Variants in GALNTL6 observed in about 807,000 individuals in gnomAD.
GALNTL6 encodes polypeptide N-acetylgalactosaminyltransferase-like 6.
Under a neutral mutation model 73.7 loss-of-function variants are expected in GALNTL6, and 46 were observed. The ratio of observed to expected loss-of-function variants is 0.62; its 90% CI spans 0.49 to 0.80. The LOEUF is 0.80. Among genes scored for constraint, GALNTL6 ranks in the 30% least tolerant of loss-of-function variants. The probability of loss-of-function intolerance (pLI) is 0.00; values close to 1 mark genes in which losing one functional copy is unlikely to be tolerated. For synonymous variants in GALNTL6, 259 were observed against 263.7 expected (o/e 0.98, Z 0.17); for missense variants, 604 against 755.0 (o/e 0.80, Z 2.34).
intron 2 of GALNTL6, among the ~76,000 whole-genome samples, chr4:171,974,894 G>A (rs1739674831): frequency 6.6e-6 from 1 of 152,156 alleles, no homozygotes; most frequent in African/African-American, 2.4e-5. Context: ...CTTTTTCAAT[G>A]ATGCTTTCTT....
intron 2 of GALNTL6, among the ~76,000 whole-genome samples, chr4:171,943,343 C>G (rs1738605552): frequency 6.6e-6 from 1 of 152,102 alleles, no homozygotes; most frequent in Non-Finnish European, 1.5e-5. Context: ...GATTCCTATA[C>G]CAGAAATAGA....
intron 5 of GALNTL6, among the ~76,000 whole-genome samples, chr4:172,557,656 C>T (rs548449083): frequency 1.6e-4 from 24 of 152,190 alleles, no homozygotes; most frequent in African/African-American, 4.8e-4. Context: ...TACCATTAGT[C>T]GTCATGAAAT....
At chr4:172,724,686 G>C (rs554782225) in intron 5 of GALNTL6, among the ~76,000 whole-genome samples, 1 of 152,136 alleles carries the variant, frequency 6.6e-6, no homozygotes, top group African/African-American at 2.4e-5. Context: ...ATTAAGAAGG[G>C]AAGTTATTGA....
chr4:171,982,349 G>A (rs557348821), intron 2 of GALNTL6, among the ~76,000 whole-genome samples: 1 of 152,166 alleles, frequency 6.6e-6, no homozygotes, highest in Middle Eastern at 3.2e-3. Context: ...CCAGGCTGGA[G>A]TGCAGTGGCG....
intron 2 of GALNTL6, among the ~76,000 whole-genome samples, chr4:172,196,199 G>A (rs559571422): frequency 1.3e-5 from 2 of 152,186 alleles, no homozygotes; most frequent in East Asian, 3.9e-4. Context: ...AAATCTGGAA[G>A]AAATGGTTAA....
At chr4:172,686,266 T>C (rs1374922562) in intron 5 of GALNTL6, among the ~76,000 whole-genome samples, 3 of 152,070 alleles carry the variant, frequency 2.0e-5, no homozygotes, top group Non-Finnish European at 4.4e-5. Context: ...CATCTCTCCT[T>C]GCTCTATTGT....
intron 5 of GALNTL6, among the ~76,000 whole-genome samples, chr4:172,445,685 T>A (rs1731993766): frequency 6.6e-6 from 1 of 152,198 alleles, no homozygotes; most frequent in Non-Finnish European, 1.5e-5. Context: ...TCTTCACCTA[T>A]GTAAAATGAT....
intron 5 of GALNTL6, among the ~76,000 whole-genome samples, chr4:172,702,425 A>G (rs1212207630): frequency 6.6e-6 from 1 of 151,900 alleles, no homozygotes; most frequent in East Asian, 1.9e-4. Context: ...TTAATGCTTA[A>G]ACTTTCTTTG....
At chr4:172,309,281 T>A (rs1164001660) in intron 3 of GALNTL6, among the ~76,000 whole-genome samples, 1 of 152,110 alleles carries the variant, frequency 6.6e-6, no homozygotes, top group Non-Finnish European at 1.5e-5. Flanking sequence ...AAGATACTTT[T>A]TTTTTGAGGA....
Position 172,809,023 on chromosome 4 carries a change from A to G in GALNTL6, c.554-338A>G, listed in dbSNP as rs1181336844. Among the ~76,000 whole-genome samples the G allele has an allele frequency of 6.6e-6, 1 of 152,230 alleles. No individual in the cohort carries two copies. The highest frequency in any genetic ancestry group is 1.5e-5 in the Non-Finnish European group (1 of 68,032). On this transcript the variant is annotated intron_variant, in intron 5 of 12. Transcript: ENST00000506823. This position sits in a 1 kb window ranked among gnomAD's most constrained non-coding sequence, Gnocchi z 4.4. ...GAAAGAGCCCATTTCCAGGATTTTC[A>G]TCTGACTTTACCCAGCAGGACCAGA...
At chr4:172,299,222 A>G (rs1378138615) in intron 3 of GALNTL6, among the ~76,000 whole-genome samples, 1 of 151,986 alleles carries the variant, frequency 6.6e-6, no homozygotes, top group Non-Finnish European at 1.5e-5. Context: ...TATCCCCTTT[A>G]TCATTTTTTA....
intron 2 of GALNTL6, among the ~76,000 whole-genome samples, chr4:171,841,376 G>A (rs1735235522): frequency 6.6e-6 from 1 of 152,044 alleles, no homozygotes; most frequent in Non-Finnish European, 1.5e-5. Context: ...CTATGTATTG[G>A]TGAAATACCA....
chr4:173,002,656 G>A (rs1023670219), intron 10 of GALNTL6, among the ~76,000 whole-genome samples: 17 of 151,686 alleles, frequency 1.1e-4, no homozygotes, highest in African/African-American at 3.1e-4. Context: ...TTAGCCAGGC[G>A]TGGTGGTGCA....
chr4:172,340,067 G>C (rs965683804), intron 4 of GALNTL6, among the ~76,000 whole-genome samples: 1 of 152,058 alleles, frequency 6.6e-6, no homozygotes, highest in Admixed American at 6.5e-5. Flanking sequence ...TCTTTGTCTT[G>C]TTCCTGATCT....
At chr4:172,998,819 C>A (rs1751910371) in intron 10 of GALNTL6, among the ~76,000 whole-genome samples, 1 of 152,070 alleles carries the variant, frequency 6.6e-6, no homozygotes, top group East Asian at 1.9e-4. Flanking sequence ...CAAAAAAAGT[C>A]ATTCCCTGGA....
chr4:172,386,742 G>C (rs1051796691), intron 5 of GALNTL6, among the ~76,000 whole-genome samples: 1 of 151,960 alleles, frequency 6.6e-6, no homozygotes, highest in Admixed American at 6.6e-5. Context: ...ACAGGAGAAG[G>C]GTGTCCCATT....
chr4:172,536,123 T>C (rs374679387), intron 5 of GALNTL6, among the ~76,000 whole-genome samples: 1 of 152,218 alleles, frequency 6.6e-6, no homozygotes, highest in South Asian at 2.1e-4. Context: ...AGACATGTCT[T>C]GTTCCTTTTC....
chr4:172,881,105 A>G lies in GALNTL6; in HGVS notation c.924-1685A>G, dbSNP rs1217491781. Among the ~76,000 whole-genome samples the G allele has an allele frequency of 4.6e-5, 7 of 152,306 alleles. No individual in the cohort carries two copies. The South Asian group carries it at 1.0e-3, about 23-fold the overall frequency. On this transcript the variant is annotated intron_variant, in intron 7 of 12. Transcript: ENST00000506823. ...CCTTTCTATTTGCAGTTCAGATTAA[A>G]TAAGACTGAGAATTTCTGACTACTT...
chr4:172,892,845 C>T (rs1746112201), intron 8 of GALNTL6, among the ~76,000 whole-genome samples: 1 of 152,174 alleles, frequency 6.6e-6, no homozygotes, highest in Non-Finnish European at 1.5e-5. Context: ...GCTTTCCCTC[C>T]TCCCTCAGGG....
Sources: allele counts gnomAD v4.1 joint callset (sites outside exome capture counted in the v4.1 genomes callset), GRCh38; gene constraint gnomAD v4.1.1; non-coding constraint Gnocchi (gnomAD v3.1); transcripts MANE v1.5; gene names NCBI Gene and HGNC (gene_info 2026-07-23, HGNC 2026-07-21).